Variants in MSI2 observed in about 807,000 individuals in gnomAD.
MSI2 encodes the protein RNA-binding protein Musashi homolog 2.
In MSI2, 17 loss-of-function variants were observed where a neutral mutation model predicts 45.6. That is an observed-to-expected ratio of 0.37 (90% CI 0.26 to 0.56). The LOEUF (loss-of-function observed/expected upper bound fraction) is 0.56. Among genes scored for constraint, MSI2 ranks in the 20% least tolerant of loss-of-function variants. MSI2 has a pLI of 0.77. For synonymous variants in MSI2, 156 were observed against 158.2 expected (o/e 0.99, Z 0.11); for missense variants, 293 against 444.2 (o/e 0.66, Z 3.06).
At chr17:57,330,797 A>T (rs1302175580) in intron 5 of MSI2, among the ~76,000 whole-genome samples, 1 of 151,942 alleles carries the variant, frequency 6.6e-6, no homozygotes, top group Non-Finnish European at 1.5e-5. Flanking sequence ...CTGGGGTGGC[A>T]CCCTGGGGTT....
At chr17:57,687,773 A>T (rs1913912431), downstream of MSI2, among the ~76,000 whole-genome samples, 1 of 152,096 alleles carries the variant, frequency 6.6e-6, no homozygotes, top group African/African-American at 2.4e-5. Flanking sequence ...TAAAACAAAA[A>T]ATATATCTAC....
At chr17:57,304,493 G>A (rs553927769) in intron 5 of MSI2, among the ~76,000 whole-genome samples, 124 of 148,122 alleles carry the variant, frequency 8.4e-4, no homozygotes, top group African/African-American at 3.0e-3. Flanking sequence ...TGTGCTCTCG[G>A]CTCACTGCAG....
intron 6 of MSI2, among the ~76,000 whole-genome samples, chr17:57,435,427 G>A (rs1341855572): frequency 6.6e-6 from 1 of 152,172 alleles, no homozygotes; most frequent in Non-Finnish European, 1.5e-5. Context: ...TCTTCCAAGT[G>A]CCGTGGAAAG....
intron 5 of MSI2, among the ~76,000 whole-genome samples, chr17:57,398,330 T>C (rs1388959740): frequency 6.6e-6 from 1 of 152,202 alleles, no homozygotes; most frequent in Non-Finnish European, 1.5e-5. Flanking sequence ...CCAGAGTTTC[T>C]TCAAATTGAG....
At chr17:57,562,629 A>G (rs1206606717) in intron 7 of MSI2, among the ~76,000 whole-genome samples, 4 of 151,978 alleles carry the variant, frequency 2.6e-5, no homozygotes, top group Non-Finnish European at 5.9e-5. Flanking sequence ...TAAAAATACT[A>G]TGTTGGGAAA....
intron 6 of MSI2, among the ~76,000 whole-genome samples, chr17:57,497,522 C>T (rs985508507): frequency 6.6e-6 from 1 of 152,288 alleles, no homozygotes; most frequent in African/African-American, 2.4e-5. Flanking sequence ...TCAGGAATGT[C>T]GGGTCTTTGT....
chr17:57,378,553 T>G (rs898201431), intron 5 of MSI2, among the ~76,000 whole-genome samples: 3 of 152,184 alleles, frequency 2.0e-5, no homozygotes, highest in African/African-American at 7.2e-5. Context: ...TTAGCCACTG[T>G]GCCCGGCCAA....
At chr17:57,449,488 G>C (rs553964174) in intron 6 of MSI2, 1 of 152,156 alleles carries the variant, frequency 6.6e-6, no homozygotes. Flanking sequence ...GTCTGTTAGC[G>C]GATGGTATTG....
intron 5 of MSI2, among the ~76,000 whole-genome samples, chr17:57,386,204 T>C (rs1047334803): frequency 1.3e-5 from 2 of 152,230 alleles, no homozygotes; most frequent in Non-Finnish European, 2.9e-5. Context: ...TCTAACTTCA[T>C]CTTCTGATGT....
chr17:57,625,158 G>C (rs1178664081), intron 9 of MSI2, among the ~76,000 whole-genome samples: 1 of 152,096 alleles, frequency 6.6e-6, no homozygotes, highest in Non-Finnish European at 1.5e-5. Flanking sequence ...CCATCACCTT[G>C]GGGGTTAAGA....
intron 10 of MSI2, among the ~76,000 whole-genome samples, chr17:57,635,988 A>T (rs1195232568): frequency 1.3e-5 from 2 of 152,116 alleles, no homozygotes; most frequent in African/African-American, 4.8e-5. Context: ...ACTCTAAAAG[A>T]TACGTGGGGG....
chr17:57,580,619 T>G (rs552145222), intron 7 of MSI2, among the ~76,000 whole-genome samples: 30 of 152,310 alleles, frequency 2.0e-4, no homozygotes, highest in African/African-American at 7.2e-4. Flanking sequence ...GCAATTTGGA[T>G]GGCTGGGAAA....
chr17:57,560,171 A>G (rs1033886759), intron 7 of MSI2, among the ~76,000 whole-genome samples: 1 of 152,240 alleles, frequency 6.6e-6, no homozygotes, highest in Non-Finnish European at 1.5e-5. Flanking sequence ...AAAACCTATT[A>G]TGGTCCACGG....
At chr17:57,571,306 T>C (rs1348515318) in intron 7 of MSI2, among the ~76,000 whole-genome samples, 1 of 152,212 alleles carries the variant, frequency 6.6e-6, no homozygotes, top group African/African-American at 2.4e-5. Flanking sequence ...CACAACTTGC[T>C]TTTGTCGTTT....
chr17:57,409,104 T>G (rs1157372439), intron 6 of MSI2, among the ~76,000 whole-genome samples: 2 of 152,194 alleles, frequency 1.3e-5, no homozygotes, highest in Non-Finnish European at 2.9e-5. Context: ...AATCTGTACT[T>G]TATTTACATT....
chr17:57,398,369 C>T (rs983129689), intron 5 of MSI2, among the ~76,000 whole-genome samples: 4 of 151,862 alleles, frequency 2.6e-5, no homozygotes, highest in Non-Finnish European at 4.4e-5. Context: ...TGGTAGATCA[C>T]GTTAGTGTTT....
intron 7 of MSI2, among the ~76,000 whole-genome samples, chr17:57,595,739 G>A (rs945350148): frequency 6.6e-5 from 10 of 152,060 alleles, no homozygotes; most frequent in Admixed American, 5.2e-4. Flanking sequence ...GGGTCGGGGG[G>A]CAGCAAGGGG....
At chr17:57,645,092 A>T (rs115129737) in intron 10 of MSI2, among the ~76,000 whole-genome samples, 3,024 of 152,234 alleles carry the variant, frequency 0.02, 65 homozygotes, top group South Asian at 0.074. Flanking sequence ...AAAGACCCCA[A>T]AGCTTCCTCT....
chr17:57,257,271 T>A (rs1906869875), intron 2 of MSI2, 133 bp downstream of exon 2: 9 of 561,438 alleles, frequency 1.6e-5, no homozygotes, highest in South Asian at 4.5e-5. Flanking sequence ...TTATTTTTTT[T>A]AAATAGCAAA....
Sources: gnomAD v4.1 joint callset for allele counts (sites outside exome capture counted in the v4.1 genomes callset) on GRCh38, gnomAD v4.1.1 for gene constraint, MANE v1.5 for transcripts, NCBI Gene and HGNC (gene_info 2026-07-23, HGNC 2026-07-21) for gene names.